Variants in TRAM2 observed in about 807,000 individuals in gnomAD.
The protein encoded by TRAM2 is translocating chain-associated membrane protein 2.
In TRAM2, 12 loss-of-function variants were observed where a neutral mutation model predicts 51.0. The ratio of observed to expected loss-of-function variants is 0.24; its 90% CI spans 0.15 to 0.38. The LOEUF is 0.38. Ranked by LOEUF, TRAM2 falls within the 10% of genes least tolerant of loss-of-function variation. The pLI, the probability that TRAM2 is intolerant of heterozygous loss-of-function variation, is 1.00. For synonymous variants in TRAM2, 175 were observed against 179.4 expected, an observed-to-expected ratio of 0.98 and a Z score of 0.20; for missense variants, 361 against 462.0, an observed-to-expected ratio of 0.78 and a Z score of 2.00.
intron 1 of TRAM2, among the ~76,000 whole-genome samples, chr6:52,557,697 A>G (rs1302506315): frequency 6.6e-6 from 1 of 152,194 alleles, no homozygotes; most frequent in African/African-American, 2.4e-5. Flanking sequence ...AGGGAAGAAG[A>G]GCCTGTGAGT....
chr6:52,505,796 T>C, intron 8 of TRAM2, 54 bp from the exon 9 acceptor site: 2 of 1,549,164 alleles, frequency 1.3e-6, no homozygotes, highest in Non-Finnish European at 1.7e-6. Context: ...TGAAGGAATC[T>C]TCACCCACTT....
At chr6:52,553,995 A>G (rs1263339336) in intron 1 of TRAM2, among the ~76,000 whole-genome samples, 6 of 152,114 alleles carry the variant, frequency 3.9e-5, no homozygotes, top group Non-Finnish European at 8.8e-5. Context: ...CAACAGCTCC[A>G]TCTTCCATGG....
chr6:52,563,615 A>C (rs1349585197), intron 1 of TRAM2, among the ~76,000 whole-genome samples: 1 of 143,412 alleles, frequency 7.0e-6, no homozygotes, highest in East Asian at 2.2e-4. Context: ...GCTACTCAGG[A>C]GGCTGAGGCA....
intron 1 of TRAM2, among the ~76,000 whole-genome samples, chr6:52,537,456 C>T (rs896874916): frequency 7.9e-5 from 12 of 152,076 alleles, no homozygotes; most frequent in East Asian, 3.9e-4. Context: ...TCTCAGTTTG[C>T]GTCCTACCTT....
intron 2 of TRAM2, among the ~76,000 whole-genome samples, chr6:52,534,890 C>T (rs932823760): frequency 1.2e-4 from 18 of 152,286 alleles, no homozygotes; most frequent in Middle Eastern, 3.4e-3. Flanking sequence ...CCTGTGAGGC[C>T]GCTCTGGTAC....
intron 1 of TRAM2, among the ~76,000 whole-genome samples, chr6:52,576,300 G>C (rs1767763729): frequency 6.6e-6 from 1 of 152,252 alleles, no homozygotes; most frequent in South Asian, 2.1e-4. Flanking sequence ...CCAGAGCTGA[G>C]ATGCAAAACA....
intron 10 of TRAM2, among the ~76,000 whole-genome samples, chr6:52,503,659 C>T (rs1030163835): frequency 1.3e-5 from 2 of 152,014 alleles, no homozygotes; most frequent in African/African-American, 4.8e-5. Flanking sequence ...TCTTCTCAGG[C>T]CCCTGCAAGG....
chr6:52,546,137 T>C (rs1023673378), intron 1 of TRAM2, among the ~76,000 whole-genome samples: 1 of 152,044 alleles, frequency 6.6e-6, no homozygotes, highest in Non-Finnish European at 1.5e-5. Context: ...TCTGAAGGGC[T>C]GAAGAGGCAA....
Position 52,509,601 on chromosome 6 carries a change from A to G in TRAM2, c.412-15T>C. On this transcript the variant is annotated splice_polypyrimidine_tract_variant and intron_variant, in intron 4 of 10. Transcript: ENST00000182527. ...AAGTATCCTTCCTGCAGTGGGCAAGAAGAGAGACCATTTAGAGATGTGGAC... is the reference window on the plus strand; with the variant it reads ...AAGTATCCTTCCTGCAGTGGGCAAGGAGAGAGACCATTTAGAGATGTGGAC... 1.2e-6 allele frequency: 2 copies of G among 1,613,776 alleles called. No homozygotes were observed. The highest frequency in any genetic ancestry group is 2.2e-5 in the South Asian group (2 of 91,010).
intron 1 of TRAM2, among the ~76,000 whole-genome samples, chr6:52,570,797 C>T (rs1285438669): frequency 8.9e-6 from 1 of 112,932 alleles, no homozygotes; most frequent in African/African-American, 3.4e-5. Flanking sequence ...TGCCCACCAC[C>T]CCCCCCCCCA....
chr6:52,554,323 G>C (rs965455282), intron 1 of TRAM2, among the ~76,000 whole-genome samples: 2 of 151,956 alleles, frequency 1.3e-5, no homozygotes, highest in African/African-American at 4.8e-5. Context: ...TCAGGAGTTC[G>C]AGACCAGCCT....
intron 10 of TRAM2, among the ~76,000 whole-genome samples, chr6:52,504,227 A>C (rs1201643885): frequency 6.6e-6 from 1 of 152,244 alleles, no homozygotes; most frequent in Non-Finnish European, 1.5e-5. Flanking sequence ...AGGTGAGGAC[A>C]GAGGCCGCCG....
At chr6:52,509,454 G>C in intron 5 of TRAM2, 74 bp downstream of exon 5, 2 of 1,476,420 alleles carry the variant, frequency 1.4e-6, no homozygotes, top group South Asian at 1.2e-5. Flanking sequence ...TGGTGTTCTG[G>C]CCACACTCCG....
intron 1 of TRAM2, among the ~76,000 whole-genome samples, chr6:52,539,385 G>T (rs1767036111): frequency 6.6e-6 from 1 of 152,120 alleles, no homozygotes; most frequent in Non-Finnish European, 1.5e-5. Flanking sequence ...TGATTTGGGG[G>T]TTACAAATAA....
chr6:52,505,192 C>G (rs1352107605), intron 9 of TRAM2, among the ~76,000 whole-genome samples: 1 of 152,238 alleles, frequency 6.6e-6, no homozygotes, highest in Non-Finnish European at 1.5e-5. Flanking sequence ...ACAAATCACT[C>G]TCCTGGGCCT....
rs529942556 is a variant in TRAM2, at chr6:52,499,618, CT to C, written c.*3578del. The C allele has an allele frequency of 1.7e-3, 252 of 152,166 alleles. 1 individual carries two copies. The highest frequency in any genetic ancestry group is 5.9e-3 in the African/African-American group (245 of 41,474). 9.4% of individuals were successfully genotyped at this position (152,166 alleles called of 1,614,324 possible). On this transcript the variant is annotated 3_prime_UTR_variant, in exon 11 of 11. Coordinates refer to ENST00000182527, the MANE Select transcript of TRAM2 (RefSeq NM_012288.4). ...AGCTGCTTAGAAAAAAGAAGGGGTA[CT>C]GACAAAGGAGGTCCCAAAAGAGACC...
At position 52,516,704 on chromosome 6, in the gene TRAM2, T is replaced by C. The variant is rs1173244715; in HGVS notation, c.218A>G (p.Lys73Arg). 6 of 1,614,048 alleles carry C rather than the reference T, an allele frequency of 3.7e-6. No homozygotes were observed. Among genetic ancestry groups the C allele is most frequent in the Non-Finnish European group, 4.2e-6 (5 of 1,180,022 alleles). ...SETVHYHYGP[K>R]DLVTILFYIF... The stretch of plus-strand genomic sequence containing the variant: ...GTAGAACAAGATTGTGACCAGGTCC[T>C]TAGGGCCATAGTGGTAGTGCACGGT... The change falls in exon 3 of 11, where the codon AAG becomes AGG. Residue 73 changes from lysine (K) to arginine (R), a missense_variant. By Grantham distance (26) the Lys-to-Arg change is conservative (BLOSUM62 2). Coordinates refer to ENST00000182527, the MANE Select transcript of TRAM2 (RefSeq NM_012288.4).
intron 2 of TRAM2, chr6:52,522,813 G>A (rs2268736): frequency 0.019 from 12,631 of 675,366 alleles, 251 homozygotes; most frequent in East Asian, 0.098. Flanking sequence ...TCCCTTTTGG[G>A]GAGTCACATT....
intron 6 of TRAM2, 138 bp from the exon 7 acceptor site, chr6:52,507,761 C>T: frequency 2.8e-6 from 2 of 715,902 alleles, no homozygotes; most frequent in Non-Finnish European, 4.7e-6. Context: ...TCCCACGAGT[C>T]CCACAGTCCC....
Sources: allele counts gnomAD v4.1 joint callset (sites outside exome capture counted in the v4.1 genomes callset), GRCh38; gene constraint gnomAD v4.1.1; transcripts MANE v1.5; gene names NCBI Gene and HGNC (gene_info 2026-07-23, HGNC 2026-07-21).